ITGA11: variants seen among roughly 807,000 people sequenced by gnomAD.
ITGA11 encodes integrin subunit alpha 11.
In ITGA11, 97 loss-of-function variants were observed where a neutral mutation model predicts 141.9. The observed-to-expected ratio is 0.68, with a 90% confidence interval of 0.58 to 0.81. The LOEUF is 0.81. Among genes scored for constraint, ITGA11 ranks in the 30% least tolerant of loss-of-function variants. ITGA11 has a pLI of 0.00. For synonymous variants in ITGA11, 658 were observed against 624.6 expected, an observed-to-expected ratio of 1.05 and a Z score of -0.80; for missense variants, 1,387 against 1,559.2, an observed-to-expected ratio of 0.89 and a Z score of 1.86.
chr15:68,403,076 A>G (rs1896550622), intron 1 of ITGA11, 47 bp from the exon 2 acceptor site: 5 of 1,296,306 alleles, frequency 3.9e-6, no homozygotes, highest in Non-Finnish European at 4.4e-6. Context: ...TCAGACAGGC[A>G]GAGGTGTAGG....
intron 1 of ITGA11, among the ~76,000 whole-genome samples, chr15:68,421,284 A>G (rs1897011187): frequency 6.6e-6 from 1 of 152,122 alleles, no homozygotes; most frequent in Non-Finnish European, 1.5e-5. Flanking sequence ...GCAAGTGCAA[A>G]GTCCAAGGTG....
intron 7 of ITGA11, among the ~76,000 whole-genome samples, chr15:68,352,316 C>T (rs1351200817): frequency 1.3e-5 from 2 of 151,762 alleles, no homozygotes; most frequent in Non-Finnish European, 2.9e-5. Flanking sequence ...CCTCAGTCTC[C>T]TAAGTAGCTG....
At chr15:68,375,265 T>C (rs1895699685) in intron 2 of ITGA11, among the ~76,000 whole-genome samples, 1 of 152,226 alleles carries the variant, frequency 6.6e-6, no homozygotes, top group African/African-American at 2.4e-5. Context: ...CCATTTTCCT[T>C]TTCTGAAATC....
chr15:68,349,634 C>T lies in ITGA11; in HGVS notation c.1061-734G>A, dbSNP rs1211531571. 3.9e-5 allele frequency among the ~76,000 whole-genome samples: 6 copies of T among 152,314 alleles called. No homozygotes were observed. The East Asian group carries it at 9.6e-4, about 24-fold the overall frequency. ...CATTTCCAATGCACTGCAGACTTCTCAGGCTTTATACTGCCTTCTATTTCC... is the reference window on the plus strand; with the variant it reads ...CATTTCCAATGCACTGCAGACTTCTTAGGCTTTATACTGCCTTCTATTTCC... On this transcript the variant is annotated intron_variant, in intron 9 of 29. Coordinates refer to ENST00000315757, the MANE Select transcript of ITGA11 (RefSeq NM_001004439.2).
At chr15:68,364,174 C>A (rs1421491078) in intron 4 of ITGA11, among the ~76,000 whole-genome samples, 5 of 152,232 alleles carry the variant, frequency 3.3e-5, no homozygotes, top group Non-Finnish European at 5.9e-5. Context: ...CTCCAGCCTT[C>A]TTCATCTAAT....
chr15:68,423,010 G>A (rs907394196), intron 1 of ITGA11, among the ~76,000 whole-genome samples: 1 of 152,160 alleles, frequency 6.6e-6, no homozygotes, highest in Non-Finnish European at 1.5e-5. Flanking sequence ...AAAGGCTATT[G>A]TGCTATTACC....
At chr15:68,398,004 C>A (rs1005521970) in intron 2 of ITGA11, among the ~76,000 whole-genome samples, 29 of 149,950 alleles carry the variant, frequency 1.9e-4, no homozygotes, top group African/African-American at 7.1e-4. Context: ...CTGAAGGAAG[C>A]ACTAAACATG....
At position 68,335,633 on chromosome 15, in the gene ITGA11, C is replaced by T; in HGVS notation, c.1425+64G>A. The T allele has an allele frequency of 6.4e-7, 1 of 1,563,642 alleles. No homozygotes were observed. Among genetic ancestry groups the T allele is most frequent in the East Asian group, 2.3e-5 (1 of 43,336 alleles). Reference sequence around the variant, plus strand: ...GTCCAGGCATGCCTGTATTTACTGCCCTCCCATTTGTCTGATCTGCCCCCT... The same window carrying T: ...GTCCAGGCATGCCTGTATTTACTGCTCTCCCATTTGTCTGATCTGCCCCCT... On this transcript the variant is annotated intron_variant, in intron 12 of 29. Transcript: ENST00000315757. The surrounding 1 kb of genome is among the most constrained non-coding windows in gnomAD (Gnocchi z 4.9).
chr15:68,358,363 C>T (rs896062880), intron 6 of ITGA11, 95 bp downstream of exon 6: 13 of 1,375,256 alleles, frequency 9.5e-6, no homozygotes, highest in Admixed American at 2.7e-5. Context: ...ACACCTCCTT[C>T]GTGCATGCAA....
chr15:68,320,104 A>G, intron 20 of ITGA11, 81 bp downstream of exon 20: 3 of 1,235,808 alleles, frequency 2.4e-6, no homozygotes. Flanking sequence ...TGTGATTCCA[A>G]CATGTAGCCA....
In ITGA11 at chr15:68,364,707, C is replaced by T. The variant is rs1895360848; in HGVS notation, c.357G>A (p.Leu119=). 1 of 1,612,526 alleles carries T rather than the reference C, an allele frequency of 6.2e-7. No homozygotes were observed. The highest frequency in any genetic ancestry group is 1.3e-5 in the African/African-American group (1 of 74,856). ...CCAAGCAGTGGCAGGTGGCTCTTAC[C>T]AGGAAGCTGTTGTCCTTGGGGTTGG... is the stretch of plus-strand genomic sequence containing the variant. ...LATNPKDNSF[L]ACSPLWSHEC... is the part of the protein sequence containing the mutation. The change falls in exon 4 of 30, where the codon CTG becomes CTA. Residue 119 remains leucine, a splice_region_variant and synonymous_variant. Coordinates refer to ENST00000315757, the MANE Select transcript of ITGA11 (RefSeq NM_001004439.2).
intron 1 of ITGA11, among the ~76,000 whole-genome samples, chr15:68,419,818 T>A (rs1279034293): frequency 6.6e-6 from 1 of 152,174 alleles, no homozygotes; most frequent in Non-Finnish European, 1.5e-5. Flanking sequence ...GTCTCTCGAG[T>A]CAGACTGCCT....
intron 2 of ITGA11, among the ~76,000 whole-genome samples, chr15:68,398,969 G>T (rs990435577): frequency 9.2e-5 from 14 of 151,714 alleles, no homozygotes; most frequent in African/African-American, 3.1e-4. Flanking sequence ...ATGTTATTAA[G>T]ATTTCATTTT....
At chr15:68,332,617 A>T in intron 12 of ITGA11, 139 bp from the exon 13 acceptor site, 1 of 905,298 alleles carries the variant, frequency 1.1e-6, no homozygotes, top group Non-Finnish European at 1.6e-6. Context: ...CTCCCTTCTC[A>T]CGCGCTACCT....
chr15:68,315,644 C>T lies in ITGA11; in HGVS notation c.2792+7G>A, dbSNP rs187756741. The T allele has an allele frequency of 3.8e-5, 61 of 1,611,898 alleles. No homozygotes were observed. The East Asian group carries it at 1.2e-3, about 32-fold the overall frequency. ...CTTTGGGGAGAAGGAGCAGGCACGG[C>T]CCTGACCTGCCTGCAGCGAGCTCGA... On this transcript the variant is annotated splice_region_variant and intron_variant, in intron 22 of 29. Coordinates refer to ENST00000315757, the MANE Select transcript of ITGA11 (RefSeq NM_001004439.2).
intron 10 of ITGA11, among the ~76,000 whole-genome samples, chr15:68,347,914 A>G (rs963873067): frequency 3.5e-5 from 1 of 28,296 alleles, no homozygotes; most frequent in African/African-American, 2.3e-4. Flanking sequence ...CCCAGGCAGA[A>G]CACACATACA....
chr15:68,375,112 G>A (rs1895695494), intron 2 of ITGA11, among the ~76,000 whole-genome samples: 1 of 152,092 alleles, frequency 6.6e-6, no homozygotes, highest in Non-Finnish European at 1.5e-5. Flanking sequence ...GTCCTCTCTA[G>A]GGCCAGCAGG....
chr15:68,384,560 A>G (rs978927477), intron 2 of ITGA11, among the ~76,000 whole-genome samples: 1 of 152,132 alleles, frequency 6.6e-6, no homozygotes, highest in African/African-American at 2.4e-5. Flanking sequence ...TGTGCCTGCC[A>G]AGGTCTGCTG....
At position 68,350,756 on chromosome 15, in the gene ITGA11, C is replaced by T. The variant is rs757238813; in HGVS notation, c.921G>A (p.Gly307=). ...VAVLGYYNRR[G]INPETFLNEI... ...CATTTAGAAAAGTTTCTGGATTGAT[C>T]CCCCTGCGGTTGTAGTAGCCCAGGA... is the stretch of plus-strand genomic sequence containing the variant. Residue 307 remains glycine, a synonymous_variant, in exon 9 of 30, where the codon GGG becomes GGA. Transcript: ENST00000315757. The T allele has an allele frequency of 2.5e-6, 4 of 1,613,528 alleles. No individual in the cohort carries two copies. The highest frequency in any genetic ancestry group is 2.2e-5 in the South Asian group (2 of 90,982).
Sources: allele counts gnomAD v4.1 joint callset (sites outside exome capture counted in the v4.1 genomes callset), GRCh38; gene constraint gnomAD v4.1.1; non-coding constraint Gnocchi (gnomAD v3.1); transcripts MANE v1.5; gene names NCBI Gene and HGNC (gene_info 2026-07-23, HGNC 2026-07-21).